NCK1: variants seen among roughly 807,000 people sequenced by gnomAD.
NCK1 encodes the protein NCK adaptor protein 1.
A neutral mutation model predicts 36.6 loss-of-function variants in NCK1; 19 were observed. That is an observed-to-expected ratio of 0.52 (90% CI 0.36 to 0.76). The LOEUF is 0.76. Among genes scored for constraint, NCK1 ranks in the 30% least tolerant of loss-of-function variants. The probability of loss-of-function intolerance (pLI) is 0.00; values close to 1 mark genes in which losing one functional copy is unlikely to be tolerated. For synonymous variants in NCK1, 165 were observed against 156.0 expected (o/e 1.06, Z -0.43); for missense variants, 358 against 445.6 (o/e 0.80, Z 1.77).
intron 1 of NCK1, among the ~76,000 whole-genome samples, chr3:136,892,236 T>C (rs553994368): frequency 6.6e-6 from 1 of 152,332 alleles, no homozygotes; most frequent in African/African-American, 2.4e-5. Context: ...AAGAGTTCTT[T>C]ATATATTCTG....
intron 1 of NCK1, chr3:136,899,892 T>C: frequency 9.5e-7 from 1 of 1,057,014 alleles, no homozygotes; most frequent in Non-Finnish European, 1.5e-6. Context: ...GGTTTTCTCT[T>C]CTAGTGGGAT....
chr3:136,874,760 A>G (rs1335834943), intron 1 of NCK1, among the ~76,000 whole-genome samples: 4 of 151,896 alleles, frequency 2.6e-5, no homozygotes, highest in African/African-American at 9.7e-5. Context: ...GATGGAGTAT[A>G]TCATACAATA....
intron 1 of NCK1, among the ~76,000 whole-genome samples, chr3:136,901,422 T>G (rs761596292): frequency 1.3e-5 from 2 of 152,028 alleles, no homozygotes; most frequent in Non-Finnish European, 2.9e-5. Context: ...TAAGGTAATG[T>G]TGGCCTTGTA....
At chr3:136,878,703 A>AC (rs1938843963) in intron 1 of NCK1, among the ~76,000 whole-genome samples, 5 of 151,864 alleles carry the variant, frequency 3.3e-5, no homozygotes, top group South Asian at 4.1e-4. Context: ...GTATCTCAAT[A>AC]AAGCTATTTT....
chr3:136,915,491 C>T (rs558922625), intron 1 of NCK1, among the ~76,000 whole-genome samples: 1 of 152,226 alleles, frequency 6.6e-6, no homozygotes, highest in East Asian at 1.9e-4. Context: ...TGTACTGGTT[C>T]CCTGTAACTC....
At position 136,930,639 on chromosome 3, in the gene NCK1, G is replaced by C. The variant is rs1398523445; in HGVS notation, c.226+2412G>C. On this transcript the variant is annotated intron_variant, in intron 2 of 3. Transcript: ENST00000481752. Reference sequence around the variant, plus strand: ...AAATCCACTGTTTTCTTGAAGTTGTGAATTAGATTTTCTGCTTTTGTAAAT... The same window carrying C: ...AAATCCACTGTTTTCTTGAAGTTGTCAATTAGATTTTCTGCTTTTGTAAAT... The C allele has an allele frequency of 2.9e-6, 4 of 1,371,060 alleles. No homozygotes were observed. The Admixed American group carries it at 1.1e-4, about 39-fold the overall frequency. The allele number at this position is 1,371,060 out of a possible 1,614,324, so 84.9% of individuals were successfully genotyped here.
intron 1 of NCK1, among the ~76,000 whole-genome samples, chr3:136,874,694 T>C (rs1301294306): frequency 6.6e-6 from 1 of 152,206 alleles, no homozygotes; most frequent in Non-Finnish European, 1.5e-5. Context: ...TTTTTCCCTT[T>C]CCATGAATCA....
chr3:136,905,706 C>T (rs1201557803), intron 1 of NCK1, among the ~76,000 whole-genome samples: 1 of 152,044 alleles, frequency 6.6e-6, no homozygotes, highest in African/African-American at 2.4e-5. Flanking sequence ...CTCAGTGCAG[C>T]CTCGACCTCC....
At chr3:136,877,186 A>C (rs1938799328) in intron 1 of NCK1, among the ~76,000 whole-genome samples, 1 of 152,174 alleles carries the variant, frequency 6.6e-6, no homozygotes, top group South Asian at 2.1e-4. Flanking sequence ...TGAATATTTC[A>C]CCTAATACCT....
At chr3:136,934,912 T>G (rs575049614) in intron 2 of NCK1, among the ~76,000 whole-genome samples, 3 of 152,260 alleles carry the variant, frequency 2.0e-5, no homozygotes, top group Non-Finnish European at 4.4e-5. Flanking sequence ...TGGTGAACTG[T>G]GAGGTCAGGA....
At chr3:136,899,327 C>A in intron 1 of NCK1, 1 of 243,666 alleles carries the variant, frequency 4.1e-6, no homozygotes. Flanking sequence ...TGATGGCAGC[C>A]AGAGCAGTCT....
chr3:136,920,978 C>T (rs1430437706), intron 1 of NCK1, among the ~76,000 whole-genome samples: 1 of 152,084 alleles, frequency 6.6e-6, no homozygotes, highest in Admixed American at 6.5e-5. Flanking sequence ...ACATTGAAGT[C>T]CTAACCCCCA....
intron 1 of NCK1, chr3:136,899,840 C>T: frequency 6.8e-7 from 1 of 1,468,482 alleles, no homozygotes; most frequent in Non-Finnish European, 9.5e-7. Context: ...CTAAGTCTCT[C>T]TGGTAGAGCT....
Position 136,949,944 on chromosome 3 carries a change from G to A in NCK1, c.*1491G>A, listed in dbSNP as rs1281094872. ...TGGCTTCTCCCACTAAGCAACAGAA[G>A]TGACCAAATATAATTAAGACAAATT... On this transcript the variant is annotated 3_prime_UTR_variant, in exon 4 of 4. Coordinates refer to ENST00000481752, the MANE Select transcript of NCK1 (RefSeq NM_001291999.2). 1 of 152,030 alleles carries A rather than the reference G, an allele frequency of 6.6e-6. No homozygotes were observed. The highest frequency in any genetic ancestry group is 6.6e-5 in the Admixed American group (1 of 15,260). 9.4% of individuals were successfully genotyped at this position (152,030 alleles called of 1,614,324 possible).
intron 2 of NCK1, among the ~76,000 whole-genome samples, chr3:136,937,425 A>G (rs1161575452): frequency 6.6e-6 from 1 of 152,120 alleles, no homozygotes; most frequent in Non-Finnish European, 1.5e-5. Context: ...TTCCTTTTTC[A>G]AGATTGTTTT....
rs756123065 is a variant in NCK1 at position 136,945,664 on chromosome 3, G to A, written c.308G>A (p.Arg103His). 26 of 1,613,982 alleles carry A rather than the reference G, an allele frequency of 1.6e-5. No homozygotes were observed. The highest frequency in any genetic ancestry group is 4.4e-5 in the South Asian group (4 of 91,090). The change falls in exon 3 of 4, where the codon CGT becomes CAT. Residue 103 changes from arginine to histidine, a missense_variant. Physicochemically the swap from Arg to His is conservative, Grantham distance 29 (BLOSUM62 0). Around this residue, in one of 3 missense-constraint regions of NCK1, gnomAD observed 143 missense variants for 162.4 expected, o/e 0.88. Transcript: ENST00000481752. ...GATAGTTTTGTTGACCCAGGGGAAC[G>A]TCTCTATGACCTCAACATGCCCGCT... is the stretch of plus-strand genomic sequence containing the variant. ...ADDSFVDPGE[R>H]LYDLNMPAYV...
chr3:136,946,394 C>G, intron 3 of NCK1, 99 bp downstream of exon 3: 1 of 1,010,884 alleles, frequency 9.9e-7, no homozygotes, highest in African/African-American at 1.6e-5. Context: ...CTAAAGTTAA[C>G]CAGGTAACAA....
At chr3:136,943,835 C>T (rs972605086) in intron 2 of NCK1, among the ~76,000 whole-genome samples, 6 of 151,950 alleles carry the variant, frequency 3.9e-5, no homozygotes, top group African/African-American at 1.2e-4. Context: ...AATATGTAAA[C>T]AGGTTGGGAG....
At chr3:136,933,357 G>C (rs1940442617) in intron 2 of NCK1, among the ~76,000 whole-genome samples, 1 of 152,178 alleles carries the variant, frequency 6.6e-6, no homozygotes, top group African/African-American at 2.4e-5. Context: ...TTGCAAACCA[G>C]GTCACATAAG....
Sources: allele counts gnomAD v4.1 joint callset (sites outside exome capture counted in the v4.1 genomes callset), GRCh38; gene constraint gnomAD v4.1.1; regional missense constraint gnomAD v4.1.1; transcripts MANE v1.5; gene names NCBI Gene and HGNC (gene_info 2026-07-23, HGNC 2026-07-21).